Variants in TBC1D22A observed in about 807,000 individuals in gnomAD.
The protein encoded by TBC1D22A is TBC1 domain family member 22A.
In TBC1D22A, 38 loss-of-function variants were observed where a neutral mutation model predicts 60.2. That is an observed-to-expected ratio of 0.63 (90% confidence interval 0.49 to 0.83). The LOEUF (loss-of-function observed/expected upper bound fraction) is 0.83, where lower values mean the gene tolerates loss of function less well. Among genes scored for constraint, TBC1D22A ranks in the 40% least tolerant of loss-of-function variants. TBC1D22A has a pLI of 0.00. For synonymous variants in TBC1D22A, 302 were observed against 281.7 expected, an observed-to-expected ratio of 1.07 and a Z score of -0.72; for missense variants, 628 against 701.0, an observed-to-expected ratio of 0.90 and a Z score of 1.18.
At chr22:46,799,865 G>T (rs1008875918) in intron 4 of TBC1D22A, among the ~76,000 whole-genome samples, 2 of 152,204 alleles carry the variant, frequency 1.3e-5, no homozygotes, top group African/African-American at 4.8e-5. Flanking sequence ...GGGTCCTCAC[G>T]TTGAAGATGT....
At chr22:47,144,036 T>C (rs1254801477) in intron 12 of TBC1D22A, among the ~76,000 whole-genome samples, 1 of 152,178 alleles carries the variant, frequency 6.6e-6, no homozygotes, top group Admixed American at 6.5e-5. Flanking sequence ...CCTCCAGCAC[T>C]CTGCACCCCT....
intron 4 of TBC1D22A, among the ~76,000 whole-genome samples, chr22:46,814,696 G>A (rs926637901): frequency 2.0e-5 from 3 of 151,776 alleles, no homozygotes; most frequent in African/African-American, 7.3e-5. Context: ...GCCCAGGCTG[G>A]AGTGCAATGA....
chr22:46,886,524 C>T (rs562738146), intron 5 of TBC1D22A, among the ~76,000 whole-genome samples: 28 of 152,346 alleles, frequency 1.8e-4, no homozygotes, highest in African/African-American at 4.8e-4. Context: ...TTGGAAATCA[C>T]GCATCGTGAA....
intron 4 of TBC1D22A, among the ~76,000 whole-genome samples, chr22:46,866,486 T>TCAAG (rs1023758176): frequency 6.2e-4 from 94 of 152,326 alleles, no homozygotes; most frequent in African/African-American, 2.2e-3. Context: ...GATACACCTG[T>TCAAG]CAAGCGGCAA....
chr22:46,912,509 A>G lies in TBC1D22A; in HGVS notation c.1015+321A>G, dbSNP rs1000742741. Among the ~76,000 whole-genome samples the G allele has an allele frequency of 5.3e-5, 8 of 152,120 alleles. No homozygotes were observed. The South Asian group carries it at 6.2e-4, about 12-fold the overall frequency. On this transcript the variant is annotated intron_variant, in intron 8 of 12. Coordinates refer to ENST00000337137, the MANE Select transcript of TBC1D22A (RefSeq NM_014346.5). ...ATGGCTTTAATGGTTTCAGTCATTC[A>G]ATCGATCAGTCATTCAGTCAATCAG...
intron 9 of TBC1D22A, among the ~76,000 whole-genome samples, chr22:46,987,790 G>T (rs1458202867): frequency 1.3e-5 from 2 of 152,186 alleles, no homozygotes; most frequent in Non-Finnish European, 2.9e-5. Flanking sequence ...GTGGCAATTT[G>T]TTAAATTAAG....
At chr22:47,032,810 G>A (rs906119675) in intron 10 of TBC1D22A, among the ~76,000 whole-genome samples, 1 of 152,238 alleles carries the variant, frequency 6.6e-6, no homozygotes, top group African/African-American at 2.4e-5. Context: ...ACTTGCTGCA[G>A]CCCAGACGTC....
At chr22:47,078,056 C>T (rs1339078590) in intron 11 of TBC1D22A, among the ~76,000 whole-genome samples, 1 of 152,182 alleles carries the variant, frequency 6.6e-6, no homozygotes, top group African/African-American at 2.4e-5. Flanking sequence ...CATACATGCC[C>T]ATCTGTTACA....
At chr22:47,062,084 T>C (rs75477777) in intron 11 of TBC1D22A, among the ~76,000 whole-genome samples, 3 of 33,430 alleles carry the variant, frequency 9.0e-5, no homozygotes, top group Non-Finnish European at 1.4e-4. Flanking sequence ...CAAGACTCCA[T>C]CTCAAAAAAA....
chr22:47,076,378 TATACAC>T (rs1330813422), intron 11 of TBC1D22A, among the ~76,000 whole-genome samples: 4 of 106,714 alleles, frequency 3.7e-5, no homozygotes, highest in East Asian at 3.3e-4. Context: ...TATATATATA[TATACAC>T]ACACACACAC....
chr22:46,807,059 C>G (rs940168653), intron 4 of TBC1D22A, among the ~76,000 whole-genome samples: 1 of 152,234 alleles, frequency 6.6e-6, no homozygotes, highest in Non-Finnish European at 1.5e-5. Flanking sequence ...TCTTCCTGCT[C>G]AACCGCAGAT....
At chr22:46,902,787 A>T (rs952906094) in intron 7 of TBC1D22A, among the ~76,000 whole-genome samples, 3 of 150,500 alleles carry the variant, frequency 2.0e-5, no homozygotes, top group African/African-American at 7.5e-5. Context: ...ACCAGCAGAC[A>T]GACACCCGGT....
chr22:46,925,010 A>G (rs528852205), intron 8 of TBC1D22A, among the ~76,000 whole-genome samples: 15 of 152,314 alleles, frequency 9.8e-5, no homozygotes, highest in African/African-American at 3.4e-4. Flanking sequence ...GCTTATTTCC[A>G]TTATCGGAGT....
intron 6 of TBC1D22A, 113 bp from the exon 7 acceptor site, chr22:46,894,671 A>G: frequency 8.2e-7 from 1 of 1,225,724 alleles, no homozygotes; most frequent in Admixed American, 1.8e-5. Flanking sequence ...TCAAGGAGAG[A>G]GCGGGGTAGA....
intron 4 of TBC1D22A, among the ~76,000 whole-genome samples, chr22:46,847,581 G>A (rs2087061452): frequency 6.6e-6 from 1 of 152,240 alleles, no homozygotes; most frequent in African/African-American, 2.4e-5. Context: ...GGACGTGTCT[G>A]TAGGAAAATG....
At chr22:46,769,479 G>A (rs181420998) in intron 1 of TBC1D22A, among the ~76,000 whole-genome samples, 13 of 152,348 alleles carry the variant, frequency 8.5e-5, no homozygotes, top group East Asian at 5.8e-4. Context: ...TGGCAGTCCC[G>A]GGACCCTGGC....
intron 8 of TBC1D22A, among the ~76,000 whole-genome samples, chr22:46,924,814 C>T (rs990230689): frequency 1.3e-5 from 2 of 152,004 alleles, no homozygotes; most frequent in Non-Finnish European, 2.9e-5. Context: ...ATAGATTGTT[C>T]TTAAGCATGT....
At chr22:46,842,881 AGT>A (rs1327097409) in intron 4 of TBC1D22A, among the ~76,000 whole-genome samples, 1 of 152,216 alleles carries the variant, frequency 6.6e-6, no homozygotes, top group East Asian at 1.9e-4. Context: ...TGAATGGAGC[AGT>A]GTCTGGGTGA....
chr22:46,951,576 G>T (rs1228986251), intron 8 of TBC1D22A, among the ~76,000 whole-genome samples: 2 of 152,212 alleles, frequency 1.3e-5, no homozygotes, highest in African/African-American at 4.8e-5. Flanking sequence ...ACTGCAGCCG[G>T]CGCCATCTTG....
Sources: gnomAD v4.1 joint callset for allele counts (sites outside exome capture counted in the v4.1 genomes callset) on GRCh38, gnomAD v4.1.1 for gene constraint, MANE v1.5 for transcripts, NCBI Gene and HGNC (gene_info 2026-07-23, HGNC 2026-07-21) for gene names.